Variants in IMMP1L observed in about 807,000 individuals in gnomAD.
IMMP1L encodes the protein inner mitochondrial membrane peptidase subunit 1.
In IMMP1L, 24 loss-of-function variants were observed where a neutral mutation model predicts 21.8. The observed-to-expected ratio is 1.10, with a 90% CI of 0.80 to 1.55. The LOEUF is 1.55. IMMP1L is among the 40% of genes most tolerant of loss of function. The pLI is 0.00. For synonymous variants in IMMP1L, 46 were observed against 62.8 expected (o/e 0.73, Z 1.26); for missense variants, 195 against 200.7 (o/e 0.97, Z 0.17).
intron 4 of IMMP1L, among the ~76,000 whole-genome samples, chr11:31,435,069 T>C (rs1211258047): frequency 6.6e-6 from 1 of 152,224 alleles, no homozygotes; most frequent in Non-Finnish European, 1.5e-5. Context: ...ATTTCCATAG[T>C]TTCTTCCTAA....
chr11:31,460,937 A>G (rs1462569308), intron 2 of IMMP1L, among the ~76,000 whole-genome samples: 1 of 152,180 alleles, frequency 6.6e-6, no homozygotes, highest in African/African-American at 2.4e-5. Context: ...CTTTCACATT[A>G]TAATGCCTGA....
intron 3 of IMMP1L, 44 bp from the exon 4 acceptor site, chr11:31,456,430 C>CA: frequency 6.5e-7 from 1 of 1,528,446 alleles, no homozygotes; most frequent in Non-Finnish European, 9.0e-7. Flanking sequence ...ATTTATTAAG[C>CA]AAAAACACAT....
At chr11:31,493,313 C>T (rs1035283458) in intron 1 of IMMP1L, among the ~76,000 whole-genome samples, 5 of 152,000 alleles carry the variant, frequency 3.3e-5, no homozygotes, top group Admixed American at 6.6e-5. Flanking sequence ...CACATGGTGG[C>T]GGGAAGGAGA....
At chr11:31,458,174 A>AT (rs11386110) in intron 3 of IMMP1L, among the ~76,000 whole-genome samples, 59,923 of 151,986 alleles carry the variant, frequency 0.39, 15,555 homozygotes, top group African/African-American at 0.74. Context: ...AGAAAGTAGT[A>AT]TAAATAAACT....
At chr11:31,457,018 G>A (rs545854560) in intron 3 of IMMP1L, among the ~76,000 whole-genome samples, 81 of 148,550 alleles carry the variant, frequency 5.5e-4, no homozygotes, top group South Asian at 6.4e-4. Context: ...TAAATATTGC[G>A]GTCCAGCCAG....
At chr11:31,474,436 C>G (rs1395576132) in intron 1 of IMMP1L, among the ~76,000 whole-genome samples, 1 of 152,160 alleles carries the variant, frequency 6.6e-6, no homozygotes, top group East Asian at 1.9e-4. Context: ...AGTGTTAAAT[C>G]TACTGTAAGA....
chr11:31,433,063 G>C (rs914875226), intron 5 of IMMP1L, among the ~76,000 whole-genome samples: 1 of 152,160 alleles, frequency 6.6e-6, no homozygotes, highest in African/African-American at 2.4e-5. Flanking sequence ...TTCACAATAA[G>C]TCTGTGACTC....
chr11:31,466,504 A>G (rs925771696), intron 1 of IMMP1L, among the ~76,000 whole-genome samples: 2 of 152,294 alleles, frequency 1.3e-5, no homozygotes, highest in East Asian at 3.9e-4. Context: ...CACAGAATCA[A>G]CCGAAATATC....
At chr11:31,452,466 C>T in intron 4 of IMMP1L, 1 of 985,352 alleles carries the variant, frequency 1.0e-6, no homozygotes, top group Middle Eastern at 5.2e-4. Flanking sequence ...TAGGAGAATG[C>T]CAACTCATTT....
intron 1 of IMMP1L, among the ~76,000 whole-genome samples, chr11:31,504,401 T>C (rs1307237500): frequency 6.6e-6 from 1 of 152,154 alleles, no homozygotes; most frequent in East Asian, 1.9e-4. Flanking sequence ...AAAACATGGA[T>C]AGACCCTTTC....
chr11:31,470,148 C>G (rs1440266460), intron 1 of IMMP1L, among the ~76,000 whole-genome samples: 1 of 152,180 alleles, frequency 6.6e-6, no homozygotes, highest in Admixed American at 6.5e-5. Context: ...GGTGCAGTGG[C>G]TCATGCCTGT....
intron 4 of IMMP1L, among the ~76,000 whole-genome samples, chr11:31,445,617 T>C (rs773086293): frequency 6.6e-6 from 1 of 152,210 alleles, no homozygotes; most frequent in Non-Finnish European, 1.5e-5. Context: ...CCTGCTTGTG[T>C]TTTACTCATC....
chr11:31,509,470 G>C, intron 1 of IMMP1L, 49 bp downstream of exon 1: 1 of 404,138 alleles, frequency 2.5e-6, no homozygotes, highest in South Asian at 3.1e-5. Context: ...TTAACTCAAT[G>C]TGAATGAAGG....
At chr11:31,475,726 T>C (rs1244278091) in intron 1 of IMMP1L, among the ~76,000 whole-genome samples, 1 of 152,214 alleles carries the variant, frequency 6.6e-6, no homozygotes, top group East Asian at 1.9e-4. Flanking sequence ...CAACAGATAT[T>C]AAAATTCAAA....
At chr11:31,472,858 T>TTTTA (rs376237933) in intron 1 of IMMP1L, among the ~76,000 whole-genome samples, 4 of 152,030 alleles carry the variant, frequency 2.6e-5, no homozygotes, top group Admixed American at 2.0e-4. Flanking sequence ...CTCTTTTATT[T>TTTTA]TTTATTTATT....
chr11:31,458,808 G>T (rs1023899417), intron 3 of IMMP1L, among the ~76,000 whole-genome samples: 1 of 152,256 alleles, frequency 6.6e-6, no homozygotes, highest in African/African-American at 2.4e-5. Flanking sequence ...GATCTTCAAA[G>T]AATCTGAATT....
At chr11:31,490,194 T>C (rs1183746723) in intron 1 of IMMP1L, among the ~76,000 whole-genome samples, 1 of 152,062 alleles carries the variant, frequency 6.6e-6, no homozygotes, top group East Asian at 1.9e-4. Flanking sequence ...CTATCCACAT[T>C]AAAAAGCAAA....
At chr11:31,442,019 T>C (rs754296628) in intron 4 of IMMP1L, among the ~76,000 whole-genome samples, 6 of 152,230 alleles carry the variant, frequency 3.9e-5, no homozygotes, top group Non-Finnish European at 8.8e-5. Context: ...GAATATATGT[T>C]TTCATGAATG....
chr11:31,500,743 C>G (rs1439997979), intron 1 of IMMP1L, among the ~76,000 whole-genome samples: 1 of 151,936 alleles, frequency 6.6e-6, no homozygotes, highest in South Asian at 2.1e-4. Flanking sequence ...CAAACTAGGG[C>G]CCATGAGTCA....
Sources: allele counts gnomAD v4.1 joint callset (sites outside exome capture counted in the v4.1 genomes callset), GRCh38; gene constraint gnomAD v4.1.1; transcripts MANE v1.5; gene names NCBI Gene and HGNC (gene_info 2026-07-23, HGNC 2026-07-21).